Variants in SOX5 observed in about 807,000 individuals in gnomAD.
SOX5 encodes the protein SRY-box transcription factor 5.
A neutral mutation model predicts 92.0 loss-of-function variants in SOX5; 9 were observed. The ratio of observed to expected loss-of-function variants is 0.10; its 90% confidence interval spans 0.06 to 0.17. The LOEUF is 0.17. Ranked by LOEUF, SOX5 falls within the 10% of genes least tolerant of loss-of-function variation. The pLI is 1.00. For missense variants in SOX5, 642 were observed against 944.5 expected (o/e 0.68, Z 4.20); for synonymous variants, 344 against 336.3 (o/e 1.02, Z -0.25).
At chr12:23,689,122 T>C (rs980794331) in intron 6 of SOX5, among the ~76,000 whole-genome samples, 1 of 152,144 alleles carries the variant, frequency 6.6e-6, no homozygotes, top group Non-Finnish European at 1.5e-5. Flanking sequence ...ATCAATTTTT[T>C]TAGGCCATTT....
At chr12:24,382,390 T>C (rs1347472021) in intron 1 of SOX5, among the ~76,000 whole-genome samples, 1 of 151,116 alleles carries the variant, frequency 6.6e-6, no homozygotes, top group African/African-American at 2.4e-5. Context: ...GGCAGTATGG[T>C]AGTATGGTAG....
chr12:24,496,553 T>C lies in SOX5; in HGVS notation c.-251+65776A>G, dbSNP rs180885662. Among the ~76,000 whole-genome samples, 693 of 152,244 alleles carry C rather than the reference T, an allele frequency of 4.6e-3. 3 individuals are homozygous for C. Among genetic ancestry groups the C allele is most frequent in the African/African-American group, 0.016 (651 of 41,554 alleles). ...TTCCAGGTAACTTATGTAATGTTACTGGGAGTAGCAGAAGAGAAACAAAAC... is the reference window on the plus strand; with the variant it reads ...TTCCAGGTAACTTATGTAATGTTACCGGGAGTAGCAGAAGAGAAACAAAAC... On this transcript the variant is annotated intron_variant, in intron 1 of 4. Coordinates refer to the SOX5 transcript ENST00000446891.
At chr12:23,944,256 C>G (rs1944171660) in intron 1 of SOX5, 1 of 152,118 alleles carries the variant, frequency 6.6e-6, no homozygotes, top group South Asian at 2.1e-4. Context: ...GGCGCAAGAG[C>G]TGGGAACAAC....
At chr12:24,295,020 T>C (rs556050) in intron 2 of SOX5, among the ~76,000 whole-genome samples, 120,631 of 152,084 alleles carry the variant, frequency 0.79, 48,091 homozygotes, top group East Asian at 0.98. Flanking sequence ...GTGGTTTTTA[T>C]ATTCGCGATA....
At chr12:23,693,324 A>T (rs2089228777) in intron 6 of SOX5, among the ~76,000 whole-genome samples, 1 of 152,038 alleles carries the variant, frequency 6.6e-6, no homozygotes, top group South Asian at 2.1e-4. Context: ...GGTTTTCACC[A>T]TGTTGGTCAG....
chr12:24,124,578 AAAAAAG>A (rs1948932866), intron 4 of SOX5, among the ~76,000 whole-genome samples: 1 of 151,184 alleles, frequency 6.6e-6, no homozygotes. Context: ...AAAAAAAAGA[AAAAAAG>A]AAAAAGAAAA....
chr12:23,979,913 C>CCAGA (rs202211054), intron 4 of SOX5, among the ~76,000 whole-genome samples: 9 of 124,178 alleles, frequency 7.2e-5, no homozygotes, highest in African/African-American at 1.8e-4. Context: ...GGCTGGCTGG[C>CCAGA]CAGACAGACA....
intron 1 of SOX5, among the ~76,000 whole-genome samples, chr12:24,374,119 T>C (rs1057172578): frequency 2.0e-5 from 3 of 151,938 alleles, no homozygotes; most frequent in African/African-American, 7.3e-5. Context: ...AAGAAAGAGG[T>C]AGAAGAGGGA....
intron 2 of SOX5, among the ~76,000 whole-genome samples, chr12:24,355,280 A>ATTT (rs1565973053): frequency 2.4e-5 from 2 of 84,030 alleles, no homozygotes; most frequent in African/African-American, 5.8e-5. Flanking sequence ...TGAGGGGTGC[A>ATTT]TCTTTTTTTT....
intron 3 of SOX5, among the ~76,000 whole-genome samples, chr12:23,769,759 C>G (rs1299954560): frequency 6.6e-6 from 1 of 152,118 alleles, no homozygotes; most frequent in Non-Finnish European, 1.5e-5. Flanking sequence ...AAGTAAAGGT[C>G]TCTGAAGATC....
chr12:24,476,333 G>A (rs752478256), intron 1 of SOX5, among the ~76,000 whole-genome samples: 5 of 152,006 alleles, frequency 3.3e-5, no homozygotes, highest in Non-Finnish European at 5.9e-5. Context: ...CTTAGTCCAC[G>A]ACAGATTAGA....
chr12:23,572,895 T>C (rs532184076), intron 10 of SOX5, among the ~76,000 whole-genome samples: 2 of 152,296 alleles, frequency 1.3e-5, no homozygotes, highest in African/African-American at 4.8e-5. Context: ...CTCTTTTCAC[T>C]GTGGCCCCAC....
In SOX5 at chr12:23,960,523, A is replaced by T. The variant is rs767072606; in HGVS notation, c.-1-64499T>A. Among the ~76,000 whole-genome samples, 389 of 69,210 alleles carry T rather than the reference A, an allele frequency of 5.6e-3. 7 individuals carry two copies. The South Asian group carries it at 0.11, about 19-fold the overall frequency. 45.4% of individuals were successfully genotyped at this position (69,210 alleles called of 152,430 possible). A position where few individuals can be genotyped will look rare whatever the true frequency, so the allele number is the denominator to read the frequency against. On this transcript the variant is annotated intron_variant, in intron 4 of 4. Coordinates refer to the SOX5 transcript ENST00000446891. Reference sequence around the variant, plus strand: ...CATATATATTTATATACATATATATATATATACATATATATATATATATGA... The same window carrying T: ...CATATATATTTATATACATATATATTTATATACATATATATATATATATGA...
At chr12:23,875,493 A>T (rs1229041768) in intron 2 of SOX5, among the ~76,000 whole-genome samples, 1 of 152,146 alleles carries the variant, frequency 6.6e-6, no homozygotes, top group African/African-American at 2.4e-5. Flanking sequence ...TTAGTAAAAA[A>T]GTTTCATTAT....
chr12:23,600,552 T>TATATATAC (rs745640453), intron 9 of SOX5, among the ~76,000 whole-genome samples: 3,279 of 94,922 alleles, frequency 0.035, 160 homozygotes, highest in East Asian at 0.11. Context: ...TATATATATA[T>TATATATAC]ACACATACTT....
intron 2 of SOX5, among the ~76,000 whole-genome samples, chr12:24,294,958 G>A (rs955246377): frequency 1.3e-5 from 2 of 152,086 alleles, no homozygotes; most frequent in Non-Finnish European, 2.9e-5. Context: ...GTAAAATATG[G>A]AATTCCATTG....
At chr12:24,062,068 T>C (rs903090759) in intron 4 of SOX5, among the ~76,000 whole-genome samples, 1 of 152,196 alleles carries the variant, frequency 6.6e-6, no homozygotes, top group South Asian at 2.1e-4. Context: ...AATGGTATCA[T>C]CATCTTTGTA....
intron 3 of SOX5, among the ~76,000 whole-genome samples, chr12:23,793,702 A>G (rs1347729744): frequency 6.6e-6 from 1 of 152,194 alleles, no homozygotes; most frequent in Non-Finnish European, 1.5e-5. Flanking sequence ...AAATGTCCAT[A>G]TATCATAACT....
intron 4 of SOX5, among the ~76,000 whole-genome samples, chr12:24,029,534 C>G (rs1189757653): frequency 1.3e-5 from 2 of 151,850 alleles, no homozygotes; most frequent in African/African-American, 4.8e-5. Context: ...TTCAGCCTCC[C>G]AAAGCACTAG....
Sources: gnomAD v4.1 joint callset for allele counts (sites outside exome capture counted in the v4.1 genomes callset) on GRCh38, gnomAD v4.1.1 for gene constraint, MANE v1.5 for transcripts, NCBI Gene and HGNC (gene_info 2026-07-23, HGNC 2026-07-21) for gene names.